Variants in RPS9 observed in about 807,000 individuals in gnomAD.
RPS9 encodes the protein small ribosomal subunit protein uS4.
In RPS9, 1 loss-of-function variant was observed where a neutral mutation model predicts 16.9. The ratio of observed to expected loss-of-function variants is 0.06; its 90% CI spans 0.02 to 0.28. RPS9 has a LOEUF of 0.28. Among genes scored for constraint, RPS9 ranks in the 10% least tolerant of loss-of-function variants. The pLI, the probability that RPS9 is intolerant of heterozygous loss-of-function variation, is 1.00. For synonymous variants in RPS9, 106 were observed against 110.9 expected (o/e 0.96, Z 0.28); for missense variants, 137 against 273.2 (o/e 0.50, Z 3.51).
rs775767281 is a variant in RPS9 at position 54,207,389 on chromosome 19, T to C, written c.408-9T>C. On this transcript the variant is annotated splice_polypyrimidine_tract_variant and intron_variant, in intron 4 of 4. Transcript: ENST00000302907. ...CCTCCAGTCCACCTCACCTTGTCGCTGCTTCCAGGGTCCGCAAGCAGGTGG... is the reference window on the plus strand; with the variant it reads ...CCTCCAGTCCACCTCACCTTGTCGCCGCTTCCAGGGTCCGCAAGCAGGTGG... The C allele has an allele frequency of 2.1e-5, 34 of 1,604,856 alleles. 1 individual carries two copies. Among genetic ancestry groups the C allele is most frequent in the African/African-American group, 4.0e-5 (3 of 74,752 alleles).
At chr19:54,207,246 C>T (rs578029521) in intron 4 of RPS9, 152 bp from the exon 5 acceptor site, 9 of 625,630 alleles carry the variant, frequency 1.4e-5, no homozygotes, top group East Asian at 1.4e-4. Flanking sequence ...CCCCGGAGGG[C>T]GCACGTAGGA....
chr19:54,202,535 C>G, intron 3 of RPS9: 1 of 979,428 alleles, frequency 1.0e-6, no homozygotes, highest in African/African-American at 1.7e-5. Context: ...ATCACATAGA[C>G]TTAGGCTTAC....
At chr19:54,206,957 AACCC>A in intron 4 of RPS9, 1 of 471,138 alleles carries the variant, frequency 2.1e-6, no homozygotes. Context: ...GCCCTTCACT[AACCC>A]TGTGAGCCGT....
intron 3 of RPS9, among the ~76,000 whole-genome samples, chr19:54,203,638 T>G: frequency 6.6e-6 from 1 of 151,894 alleles, no homozygotes; most frequent in Non-Finnish European, 1.5e-5. Flanking sequence ...CCGAGCATGG[T>G]GGTGTGCCTA....
chr19:54,200,876 G>A lies in RPS9; in HGVS notation c.-38G>A. 1 of 1,157,962 alleles carries A rather than the reference G, an allele frequency of 8.6e-7. No homozygotes were observed. The highest frequency in any genetic ancestry group is 1.1e-6 in the Non-Finnish European group (1 of 936,476). 71.7% of individuals were successfully genotyped at this position (1,157,962 alleles called of 1,614,324 possible). A position where few individuals can be genotyped will look rare whatever the true frequency, so the allele number is the denominator to read the frequency against. On this transcript the variant is annotated 5_prime_UTR_variant, in exon 1 of 5. It adds an upstream start codon to the 5' untranslated region. Transcript: ENST00000302907. ...TCCGCGCCTCTTTCTCAGTGACCGG[G>A]TGGTTTGCTTAGGTGAGGTGCGGTG... is the stretch of plus-strand genomic sequence containing the variant.
chr19:54,207,023 CTG>C, intron 4 of RPS9: 1 of 436,430 alleles, frequency 2.3e-6, no homozygotes. Flanking sequence ...CCTCGGGTTG[CTG>C]TGTTATTGTG....
intron 4 of RPS9, chr19:54,206,940 C>T (rs181239741): frequency 2.7e-4 from 129 of 486,264 alleles, no homozygotes; most frequent in African/African-American, 2.1e-3. Context: ...TTAGAATCTT[C>T]GCCCCAGCCC....
rs182442738 is a variant in RPS9, at chr19:54,202,215, C to G, written c.220+606C>G. Among the ~76,000 whole-genome samples, 3 of 151,980 alleles carry G rather than the reference C, an allele frequency of 2.0e-5. No individual in the cohort carries two copies. In the East Asian group the frequency reaches 5.8e-4, roughly 29 times the overall value. ...TAATTTTACTTTTGAGACGGAGTCT[C>G]GCTCCATTGCCCATGCTGGAGTGTA... On this transcript the variant is annotated intron_variant, in intron 3 of 4. Transcript: ENST00000302907.
chr19:54,201,023 G>T, intron 1 of RPS9, 135 bp downstream of exon 1: 1 of 1,456,738 alleles, frequency 6.9e-7, no homozygotes, highest in Non-Finnish European at 9.0e-7. Context: ...CACGGTTGTG[G>T]GGGCAGATAC....
At chr19:54,204,545 C>T (rs1267380228) in intron 3 of RPS9, among the ~76,000 whole-genome samples, 2 of 152,126 alleles carry the variant, frequency 1.3e-5, no homozygotes, top group African/African-American at 4.8e-5. Context: ...CACAATCCAC[C>T]ATGTACCACC....
intron 2 of RPS9, 62 bp from the exon 3 acceptor site, chr19:54,201,425 G>A: frequency 6.2e-7 from 1 of 1,610,190 alleles, no homozygotes. Flanking sequence ...TTCCAAAGCT[G>A]CCAGTCTAGT....
intron 3 of RPS9, chr19:54,202,402 G>A: frequency 1.0e-6 from 1 of 982,774 alleles, no homozygotes; most frequent in Non-Finnish European, 1.2e-6. Flanking sequence ...CCAGGCTGGT[G>A]CTTGTTTTTT....
At chr19:54,202,620 G>A in intron 3 of RPS9, 1 of 985,368 alleles carries the variant, frequency 1.0e-6, no homozygotes. Context: ...AATCTACTCT[G>A]AGATGCGGTG....
intron 1 of RPS9, 26 bp from the exon 2 acceptor site, chr19:54,201,134 T>C (rs978405032): frequency 3.8e-5 from 62 of 1,611,846 alleles, no homozygotes; most frequent in Non-Finnish European, 5.1e-5. Context: ...TTGGATCCCT[T>C]ACGCTCACAC....
At position 54,207,490 on chromosome 19, in the gene RPS9, G is replaced by A; in HGVS notation, c.500G>A (p.Gly167Asp). 1 of 1,613,398 alleles carries A rather than the reference G, an allele frequency of 6.2e-7. No individual in the cohort carries two copies. Among genetic ancestry groups the A allele is most frequent in the Non-Finnish European group, 8.5e-7 (1 of 1,180,030 alleles). The part of the protein sequence containing the change: ...IDFSLRSPYG[G>D]GRPGRVKRKN... Reference sequence around the variant, plus strand: ...TTCTCTCTGCGCTCTCCCTACGGGGGTGGCCGCCCGGGCCGCGTGAAGAGG... The same window carrying A: ...TTCTCTCTGCGCTCTCCCTACGGGGATGGCCGCCCGGGCCGCGTGAAGAGG... The change falls in exon 5 of 5, where the codon GGT becomes GAT. Residue 167 changes from glycine (G) to aspartate (D), a missense_variant. Transcript: ENST00000302907.
chr19:54,201,705 C>A, intron 3 of RPS9, 96 bp downstream of exon 3: 1 of 1,553,908 alleles, frequency 6.4e-7, no homozygotes, highest in South Asian at 1.2e-5. Context: ...AGAGTTGTGT[C>A]ATTGGATAAA....
intron 3 of RPS9, chr19:54,202,721 A>T: frequency 1.0e-6 from 1 of 985,442 alleles, no homozygotes; most frequent in Non-Finnish European, 1.2e-6. Flanking sequence ...TTGGGTAGTC[A>T]TGATTTATGG....
intron 4 of RPS9, 162 bp downstream of exon 4, chr19:54,206,624 C>T: frequency 6.4e-7 from 1 of 1,550,974 alleles, no homozygotes; most frequent in Admixed American, 2.0e-5. Context: ...CACCAGGGAG[C>T]TGGGGCAGCC....
At chr19:54,201,135 A>T (rs768046861) in intron 1 of RPS9, 25 bp from the exon 2 acceptor site, 13 of 1,611,970 alleles carry the variant, frequency 8.1e-6, no homozygotes, top group Admixed American at 6.7e-5. Flanking sequence ...TGGATCCCTT[A>T]CGCTCACACT....
Sources: allele counts gnomAD v4.1 joint callset (sites outside exome capture counted in the v4.1 genomes callset), GRCh38; gene constraint gnomAD v4.1.1; transcripts MANE v1.5; gene names NCBI Gene and HGNC (gene_info 2026-07-23, HGNC 2026-07-21).